The following PCDHA4 variants were observed in gnomAD, a reference collection of about 807,000 sequenced individuals.
The protein encoded by PCDHA4 is protocadherin alpha-4.
A neutral mutation model predicts 61.4 loss-of-function variants in PCDHA4; 49 were observed. That is an observed-to-expected ratio of 0.80 (90% CI 0.63 to 1.01). The LOEUF (loss-of-function observed/expected upper bound fraction) is 1.01, where lower values mean the gene tolerates loss of function less well. PCDHA4 is among the 50% of genes least tolerant of loss of function. The probability of loss-of-function intolerance (pLI) is 0.00; values close to 1 mark genes in which losing one functional copy is unlikely to be tolerated. For synonymous variants in PCDHA4, 590 were observed against 550.3 expected, an observed-to-expected ratio of 1.07 and a Z score of -1.01; for missense variants, 1,254 against 1,235.8, an observed-to-expected ratio of 1.01 and a Z score of -0.22.
intron 1 of PCDHA4, chr5:140,821,979 G>A (rs2150112472): frequency 8.7e-6 from 14 of 1,614,132 alleles, no homozygotes; most frequent in South Asian, 4.4e-5. Context: ...TGGCGTCCAA[G>A]GGCCGCGGGG....
intron 1 of PCDHA4, chr5:140,848,356 A>C: frequency 9.6e-7 from 1 of 1,038,310 alleles, no homozygotes; most frequent in Non-Finnish European, 1.4e-6. Flanking sequence ...CCCTTTTCCC[A>C]TGGGAAAGAG....
chr5:140,890,515 T>C (rs996565867), intron 1 of PCDHA4, among the ~76,000 whole-genome samples: 2 of 152,198 alleles, frequency 1.3e-5, no homozygotes, highest in African/African-American at 4.8e-5. Context: ...CTCTATTTCC[T>C]TCCTTTGTTG....
At chr5:140,862,744 C>T in intron 1 of PCDHA4, 1 of 577,744 alleles carries the variant, frequency 1.7e-6, no homozygotes, top group South Asian at 1.4e-5. Flanking sequence ...TGTGTGGGTG[C>T]ACGCGGAGAG....
intron 1 of PCDHA4, chr5:140,968,434 C>T: frequency 6.8e-6 from 11 of 1,613,948 alleles, no homozygotes; most frequent in Non-Finnish European, 8.5e-6. Flanking sequence ...ACAAGGGGAG[C>T]CCACCACTGA....
At chr5:140,828,791 G>A (rs2150159012) in intron 1 of PCDHA4, 1 of 1,614,192 alleles carries the variant, frequency 6.2e-7, no homozygotes, top group Non-Finnish European at 8.5e-7. Flanking sequence ...CACAGTGCTG[G>A]ATGTGAATGA....
At chr5:140,843,846 C>A in intron 1 of PCDHA4, 3 of 993,808 alleles carry the variant, frequency 3.0e-6, no homozygotes, top group Non-Finnish European at 4.4e-6. Context: ...TTTTAGAAAC[C>A]TTTTATAATT....
At chr5:140,959,506 A>G (rs1554224114) in intron 1 of PCDHA4, among the ~76,000 whole-genome samples, 6 of 152,226 alleles carry the variant, frequency 3.9e-5, no homozygotes. Flanking sequence ...AAACTAAAAA[A>G]TTTTAAGATC....
chr5:140,848,363 A>C, intron 1 of PCDHA4: 1 of 1,078,860 alleles, frequency 9.3e-7, no homozygotes, highest in Non-Finnish European at 1.4e-6. Flanking sequence ...CCCATGGGAA[A>C]GAGGCTCAAT....
intron 1 of PCDHA4, among the ~76,000 whole-genome samples, chr5:140,833,594 G>T (rs2150209670): frequency 4.6e-5 from 7 of 152,162 alleles, no homozygotes; most frequent in Non-Finnish European, 7.4e-5. Context: ...AGTATATATA[G>T]ATTCTGCTAA....
intron 1 of PCDHA4, chr5:140,850,098 G>A: frequency 6.3e-7 from 1 of 1,596,440 alleles, no homozygotes; most frequent in South Asian, 1.1e-5. Context: ...ACAGTTCCAG[G>A]TGAGCGCGCG....
rs2150340474 is a variant in PCDHA4, at chr5:140,842,609, G to A, written c.2385+33037G>A. On this transcript the variant is annotated intron_variant, in intron 1 of 3. Transcript: ENST00000530339. ...TGAGTTGGTGGTAACCGCGCGGGAC[G>A]GGGGCTCGCCTTCGCTGTGGGCCAC... 1.8e-5 allele frequency: 28 copies of A among 1,595,750 alleles called. 2 individuals carry two copies. Among genetic ancestry groups the A allele is most frequent in the African/African-American group, 2.7e-5 (2 of 74,312 alleles).
chr5:140,847,677 T>A (rs1554141874), intron 1 of PCDHA4: 1 of 149,738 alleles, frequency 6.7e-6, no homozygotes, highest in African/African-American at 2.4e-5. Flanking sequence ...TTGGAAAGAA[T>A]CAAAACAACA....
intron 1 of PCDHA4, chr5:140,882,641 G>A (rs1464189390): frequency 6.2e-7 from 1 of 1,614,104 alleles, no homozygotes; most frequent in Non-Finnish European, 8.5e-7. Context: ...GAAGGTGAGG[G>A]ACATTAACGA....
chr5:140,883,868 C>G lies in PCDHA4; in HGVS notation c.2385+74296C>G, dbSNP rs782022578. ...CGAGGAGCTGGAGCTGTTGCAGTTC[C>G]AGGTGAGCGCGCGCGACTCTGGCGT... On this transcript the variant is annotated intron_variant, in intron 1 of 3. Coordinates refer to ENST00000530339, the MANE Select transcript of PCDHA4 (RefSeq NM_018907.4). 9.9e-6 allele frequency: 16 copies of G among 1,613,048 alleles called. No homozygotes were observed. The Admixed American group carries it at 2.5e-4, about 25-fold the overall frequency.
chr5:140,897,349 A>G (rs539353387), intron 1 of PCDHA4, among the ~76,000 whole-genome samples: 33 of 107,320 alleles, frequency 3.1e-4, no homozygotes, highest in African/African-American at 1.0e-3. Flanking sequence ...CCACCCCACA[A>G]CTGTCCCCAG....
At chr5:140,961,113 C>T (rs2095591220) in intron 1 of PCDHA4, among the ~76,000 whole-genome samples, 1 of 152,190 alleles carries the variant, frequency 6.6e-6, no homozygotes, top group Non-Finnish European at 1.5e-5. Context: ...AACCCCCTTG[C>T]ATCTTAATGT....
intron 1 of PCDHA4, among the ~76,000 whole-genome samples, chr5:140,921,041 G>A (rs902181810): frequency 1.3e-5 from 2 of 151,820 alleles, no homozygotes; most frequent in Non-Finnish European, 2.9e-5. Flanking sequence ...GTGCAGTGGG[G>A]CAATCATAGC....
intron 1 of PCDHA4, chr5:140,842,263 C>CTTA (rs1777840904): frequency 6.2e-7 from 1 of 1,610,966 alleles, no homozygotes; most frequent in Non-Finnish European, 8.5e-7. Context: ...AACAAGAAAA[C>CTTA]TTATACAAAA....
At chr5:140,843,592 G>C in intron 1 of PCDHA4, 1 of 1,596,002 alleles carries the variant, frequency 6.3e-7, no homozygotes, top group African/African-American at 1.3e-5. Context: ...AGCCGCAGAG[G>C]GTGTGCTCTG....
Sources: allele counts gnomAD v4.1 joint callset (sites outside exome capture counted in the v4.1 genomes callset), GRCh38; gene constraint gnomAD v4.1.1; transcripts MANE v1.5; gene names NCBI Gene and HGNC (gene_info 2026-07-23, HGNC 2026-07-21).